Variants in LRPPRC observed in about 807,000 individuals in gnomAD.
LRPPRC encodes leucine rich pentatricopeptide repeat containing.
A neutral mutation model predicts 180.3 loss-of-function variants in LRPPRC; 120 were observed. The ratio of observed to expected loss-of-function variants is 0.67; its 90% CI spans 0.57 to 0.77. The LOEUF is 0.77. LRPPRC is among the 30% of genes least tolerant of loss of function. LRPPRC has a pLI of 0.00. For missense variants in LRPPRC, 2,012 were observed against 1,657.2 expected (o/e 1.21, Z -3.72); for synonymous variants, 723 against 600.0 (o/e 1.21, Z -3.00).
intron 1 of LRPPRC, among the ~76,000 whole-genome samples, chr2:43,988,491 A>T (rs1674631817): frequency 6.6e-6 from 1 of 152,156 alleles, no homozygotes; most frequent in Non-Finnish European, 1.5e-5. Context: ...AGCCGAGATC[A>T]CGCCACTGCA....
rs759052246 is a variant in LRPPRC, at chr2:43,889,733, CA to C, written c.4128del (p.Glu1377LysfsTer10). ...TTTCCCCTTAATTAAGAAATACTCA[CA>C]GGGGGTTCAATGAAAGGGACAGGCT... ...AGEPVPFIEPPESFEFYAQQL... is the reference protein window; with the variant it reads ...AGEPVPFIEPXESFEFYAQQL... On this transcript the variant is annotated frameshift_variant and splice_region_variant, in exon 37 of 38. Transcript: ENST00000260665. LOFTEE classifies it high-confidence loss of function. The C allele has an allele frequency of 7.9e-5, 127 of 1,610,276 alleles. 1 individual carries two copies. In the East Asian group the frequency reaches 1.7e-3, roughly 22 times the overall value.
intron 25 of LRPPRC, among the ~76,000 whole-genome samples, chr2:43,932,107 A>G: frequency 7.0e-6 from 1 of 143,004 alleles, no homozygotes. Context: ...CTGGCTAACA[A>G]AGCAAGACCC....
At chr2:43,947,692 G>C in intron 19 of LRPPRC, 39 bp downstream of exon 19, 1 of 1,135,736 alleles carries the variant, frequency 8.8e-7, no homozygotes, top group Non-Finnish European at 1.3e-6. Flanking sequence ...TTAAATATGG[G>C]TATTATAGCA....
intron 22 of LRPPRC, among the ~76,000 whole-genome samples, chr2:43,944,839 C>A (rs1417123689): frequency 2.0e-5 from 3 of 151,840 alleles, no homozygotes; most frequent in Non-Finnish European, 2.9e-5. Flanking sequence ...TTTCCATGAA[C>A]CATTAAATAA....
At chr2:43,921,265 C>T (rs970178881) in intron 27 of LRPPRC, among the ~76,000 whole-genome samples, 1 of 152,124 alleles carries the variant, frequency 6.6e-6, no homozygotes, top group Non-Finnish European at 1.5e-5. Flanking sequence ...GCACTCCAGC[C>T]TGGGCGAGAT....
intron 1 of LRPPRC, among the ~76,000 whole-genome samples, chr2:43,992,276 T>C (rs1012267772): frequency 5.9e-5 from 9 of 151,926 alleles, no homozygotes; most frequent in Admixed American, 1.3e-4. Context: ...ACATGGCCCA[T>C]CAAAGCCTTA....
intron 1 of LRPPRC, among the ~76,000 whole-genome samples, chr2:43,995,355 C>T (rs1387982022): frequency 6.6e-6 from 1 of 152,226 alleles, no homozygotes; most frequent in Non-Finnish European, 1.5e-5. Flanking sequence ...CTCCTCGCCG[C>T]CCCATCCCTC....
chr2:43,944,792 T>C (rs570774257), intron 22 of LRPPRC, among the ~76,000 whole-genome samples: 19 of 152,218 alleles, frequency 1.2e-4, no homozygotes, highest in South Asian at 8.3e-4. Flanking sequence ...ACGAGAAAAT[T>C]TGAGTATGCA....
intron 27 of LRPPRC, among the ~76,000 whole-genome samples, 165 bp downstream of exon 27, chr2:43,924,902 A>T (rs906282561): frequency 1.3e-5 from 2 of 152,230 alleles, no homozygotes; most frequent in African/African-American, 4.8e-5. Flanking sequence ...TAGTGCTACG[A>T]TATAACATTC....
chr2:43,890,268 C>A, intron 36 of LRPPRC: 2 of 442,486 alleles, frequency 4.5e-6, no homozygotes, highest in Non-Finnish European at 9.2e-6. Context: ...TCAAGATAAT[C>A]CAGGAACTGT....
chr2:43,973,569 T>A (rs1243288333), intron 11 of LRPPRC, 38 bp downstream of exon 11: 1 of 1,319,966 alleles, frequency 7.6e-7, no homozygotes, highest in South Asian at 1.2e-5. Context: ...ATACTGGCTC[T>A]GGGAACCATT....
intron 23 of LRPPRC, among the ~76,000 whole-genome samples, chr2:43,935,947 A>G (rs868102050): frequency 3.2e-4 from 49 of 152,110 alleles, no homozygotes; most frequent in Non-Finnish European, 3.5e-4. Flanking sequence ...GCCGGGCGTG[A>G]TGGCGCATGC....
At chr2:43,974,472 T>C (rs1673960398) in intron 8 of LRPPRC, 142 bp downstream of exon 8, 1 of 799,662 alleles carries the variant, frequency 1.3e-6, no homozygotes, top group Non-Finnish European at 2.1e-6. Context: ...TTAACTCATG[T>C]TTTTGGGCTT....
intron 36 of LRPPRC, among the ~76,000 whole-genome samples, chr2:43,893,117 A>G (rs564975535): frequency 7.9e-5 from 12 of 152,218 alleles, no homozygotes; most frequent in Non-Finnish European, 1.6e-4. Context: ...GAATTGCTAC[A>G]ATCTCATGAT....
chr2:43,907,232 A>G (rs1490596603), intron 30 of LRPPRC, among the ~76,000 whole-genome samples: 1 of 152,192 alleles, frequency 6.6e-6, no homozygotes, highest in Non-Finnish European at 1.5e-5. Flanking sequence ...TGCTCATTAC[A>G]AATATGAAAG....
chr2:43,995,742 C>A lies in LRPPRC; in HGVS notation c.149+57G>T, dbSNP rs62135152. ...AGGACCCGGTCCCTGCCGGCACCCA[C>A]GACCCCGGGGGACCCTGGCGCCGCA... On this transcript the variant is annotated intron_variant, in intron 1 of 37. Transcript: ENST00000260665. 0.098 allele frequency: 131,145 copies of A among 1,340,120 alleles called. 7,170 individuals carry two copies. Among genetic ancestry groups the A allele is most frequent in the South Asian group, 0.16 (8,267 of 52,212 alleles). 83.0% of individuals were successfully genotyped at this position (1,340,120 alleles called of 1,614,324 possible).
Position 43,982,436 on chromosome 2 carries a change from T to A in LRPPRC, c.150-2A>T. The A allele has an allele frequency of 1.2e-6, 2 of 1,608,380 alleles. No individual in the cohort carries two copies. Among genetic ancestry groups the A allele is most frequent in the Non-Finnish European group, 1.7e-6 (2 of 1,174,974 alleles). ...AGCCTGGCTGGGCTCAGTAGTCCTCTAAAAAATGAAACATAATTAATAATA... is the reference window on the plus strand; with the variant it reads ...AGCCTGGCTGGGCTCAGTAGTCCTCAAAAAAATGAAACATAATTAATAATA... On this transcript the variant is annotated splice_acceptor_variant, in intron 1 of 37. Coordinates refer to ENST00000260665, the MANE Select transcript of LRPPRC (RefSeq NM_133259.4). LOFTEE classifies it high-confidence loss of function.
chr2:43,897,716 C>T (rs551512654), intron 34 of LRPPRC, among the ~76,000 whole-genome samples: 1 of 152,014 alleles, frequency 6.6e-6, no homozygotes, highest in East Asian at 1.9e-4. Context: ...CTGCAGATAA[C>T]GCAGTTCTTT....
Position 43,946,234 on chromosome 2 carries a change from T to C in LRPPRC, c.2089A>G (p.Lys697Glu). Residue 697 changes from lysine to glutamate, a missense_variant, in exon 21 of 38, where the codon AAA becomes GAA. Coordinates refer to ENST00000260665, the MANE Select transcript of LRPPRC (RefSeq NM_133259.4). ...TATTTTGCTTTCAATTCAAGGGCTT[T>C]TTGCATATTCTAAAATACAGCATAG... ...LVLCSEENMQ[K>E]ALELKAKYES... 1 of 1,611,324 alleles carries C rather than the reference T, an allele frequency of 6.2e-7. No individual in the cohort carries two copies. The highest frequency in any genetic ancestry group is 8.5e-7 in the Non-Finnish European group (1 of 1,177,768).
Sources: allele counts gnomAD v4.1 joint callset (sites outside exome capture counted in the v4.1 genomes callset), GRCh38; gene constraint gnomAD v4.1.1; transcripts MANE v1.5; gene names NCBI Gene and HGNC (gene_info 2026-07-23, HGNC 2026-07-21).